Variants in DOCK3 observed in about 807,000 individuals in gnomAD.
The protein encoded by DOCK3 is dedicator of cytokinesis protein 3.
A neutral mutation model predicts 265.6 loss-of-function variants in DOCK3; 60 were observed. The observed-to-expected ratio is 0.23, with a 90% CI of 0.18 to 0.28. The LOEUF (loss-of-function observed/expected upper bound fraction) is 0.28. Ranked by LOEUF, DOCK3 falls within the 10% of genes least tolerant of loss-of-function variation. The probability of loss-of-function intolerance (pLI) is 1.00; values close to 1 mark genes in which losing one functional copy is unlikely to be tolerated. For synonymous variants in DOCK3, 881 were observed against 938.0 expected (o/e 0.94, Z 1.11); for missense variants, 1,981 against 2,594.3 (o/e 0.76, Z 5.14).
At chr3:51,278,312 T>A (rs2080924187) in intron 26 of DOCK3, 1 of 985,314 alleles carries the variant, frequency 1.0e-6, no homozygotes, top group African/African-American at 1.7e-5. Context: ...TGGGAAGGCT[T>A]CTCAGGAGGG....
At chr3:51,368,511 G>A (rs951963803) in intron 49 of DOCK3, among the ~76,000 whole-genome samples, 4 of 152,328 alleles carry the variant, frequency 2.6e-5, no homozygotes, top group African/African-American at 7.2e-5. Flanking sequence ...TGTGGGAGGG[G>A]CATCCGCCAT....
At chr3:51,261,555 G>A (rs747762665) in intron 23 of DOCK3, among the ~76,000 whole-genome samples, 9 of 152,236 alleles carry the variant, frequency 5.9e-5, no homozygotes, top group African/African-American at 1.2e-4. Flanking sequence ...GAATGTCAGC[G>A]AGACAGAACC....
intron 1 of DOCK3, among the ~76,000 whole-genome samples, chr3:50,689,786 C>T (rs564107615): frequency 2.6e-5 from 4 of 152,270 alleles, no homozygotes; most frequent in African/African-American, 7.2e-5. Context: ...AAATACATAT[C>T]GTTGAAGCTT....
At chr3:50,900,797 G>C in intron 4 of DOCK3, 2 of 425,328 alleles carry the variant, frequency 4.7e-6, no homozygotes, top group Non-Finnish European at 9.3e-6. Context: ...TGTTTGCCTG[G>C]GTATCACCAG....
In DOCK3 at chr3:51,015,261, C is replaced by T. The variant is rs535200189; in HGVS notation, c.316-49187C>T. Among the ~76,000 whole-genome samples, 700 of 151,998 alleles carry T rather than the reference C, an allele frequency of 4.6e-3. 2 individuals carry two copies. Among genetic ancestry groups the T allele is most frequent in the Middle Eastern group, 0.01 (3 of 292 alleles). Reference sequence around the variant, plus strand: ...TTTCCTCATTCAGTATGATACCAGCCGTGAATCTGTTATATATGGCTTTTA... The same window carrying T: ...TTTCCTCATTCAGTATGATACCAGCTGTGAATCTGTTATATATGGCTTTTA... On this transcript the variant is annotated intron_variant, in intron 5 of 52. Coordinates refer to ENST00000266037, the MANE Select transcript of DOCK3 (RefSeq NM_004947.5).
intron 22 of DOCK3, among the ~76,000 whole-genome samples, chr3:51,250,890 T>C (rs2079181794): frequency 6.6e-6 from 1 of 152,234 alleles, no homozygotes; most frequent in African/African-American, 2.4e-5. Context: ...GTTATTATAC[T>C]TAAAGTTCTA....
At chr3:50,881,935 A>G (rs2048054537) in intron 3 of DOCK3, among the ~76,000 whole-genome samples, 1 of 152,226 alleles carries the variant, frequency 6.6e-6, no homozygotes. Context: ...CCAATGGAAT[A>G]GAATAGAGCC....
At chr3:50,886,710 A>G (rs554875526) in intron 3 of DOCK3, among the ~76,000 whole-genome samples, 40 of 151,718 alleles carry the variant, frequency 2.6e-4, no homozygotes, top group African/African-American at 7.5e-4. Flanking sequence ...ATGATTTCCA[A>G]TTTCATCCAT....
chr3:50,750,837 A>G (rs959266606), intron 1 of DOCK3, among the ~76,000 whole-genome samples: 2 of 152,214 alleles, frequency 1.3e-5, no homozygotes, highest in Non-Finnish European at 2.9e-5. Flanking sequence ...TAGAATGTAA[A>G]TTAATTTCAT....
At chr3:50,687,042 G>A (rs765207899) in intron 1 of DOCK3, among the ~76,000 whole-genome samples, 12 of 149,410 alleles carry the variant, frequency 8.0e-5, no homozygotes, top group Admixed American at 1.3e-4. Flanking sequence ...AAACCCCATC[G>A]CTACTAAAAA....
At chr3:50,730,175 T>C (rs2038104930) in intron 1 of DOCK3, among the ~76,000 whole-genome samples, 1 of 152,162 alleles carries the variant, frequency 6.6e-6, no homozygotes, top group African/African-American at 2.4e-5. Context: ...AGAGTCTCAC[T>C]CTGTCACCCA....
chr3:51,246,232 C>CTTTT (rs34878916), intron 21 of DOCK3, among the ~76,000 whole-genome samples: 8 of 130,638 alleles, frequency 6.1e-5, no homozygotes, highest in South Asian at 2.4e-4. Context: ...TTTAGGAAAA[C>CTTTT]TTTTTTTTTT....
chr3:51,095,851 CA>C (rs71278627), intron 9 of DOCK3, among the ~76,000 whole-genome samples: 64 of 9,802 alleles, frequency 6.5e-3, no homozygotes, highest in African/African-American at 0.024. Context: ...ATAAGGTTAG[CA>C]AAAAAAAAAA....
At chr3:51,101,220 A>G (rs1338632281) in intron 9 of DOCK3, among the ~76,000 whole-genome samples, 3 of 147,158 alleles carry the variant, frequency 2.0e-5, no homozygotes, top group Non-Finnish European at 3.0e-5. Flanking sequence ...TCCCGGGTTC[A>G]CGCCATTCTC....
chr3:51,202,133 AC>A (rs1234141014), intron 12 of DOCK3, among the ~76,000 whole-genome samples: 1 of 132,264 alleles, frequency 7.6e-6, no homozygotes, highest in East Asian at 2.2e-4. Flanking sequence ...AAGAGCAAAC[AC>A]ATTCAAAAGC....
intron 5 of DOCK3, among the ~76,000 whole-genome samples, chr3:50,942,238 T>G (rs1048540516): frequency 9.2e-5 from 14 of 152,160 alleles, no homozygotes; most frequent in Admixed American, 8.5e-4. Flanking sequence ...TCAATATGAT[T>G]GACATTTTCT....
intron 2 of DOCK3, among the ~76,000 whole-genome samples, chr3:50,819,990 G>T (rs989781488): frequency 6.6e-6 from 1 of 151,954 alleles, no homozygotes; most frequent in Non-Finnish European, 1.5e-5. Context: ...AACAAAAAAT[G>T]CCATGGCAAC....
At chr3:51,067,742 CAT>C (rs2109306964) in intron 6 of DOCK3, among the ~76,000 whole-genome samples, 1 of 152,008 alleles carries the variant, frequency 6.6e-6, no homozygotes, top group African/African-American at 2.4e-5. Context: ...AAGGAAAAGA[CAT>C]GTTGCACCAA....
chr3:51,342,218 A>C (rs1352556926), intron 38 of DOCK3, among the ~76,000 whole-genome samples: 1 of 152,260 alleles, frequency 6.6e-6, no homozygotes, highest in Non-Finnish European at 1.5e-5. Context: ...ATCAGAAAAC[A>C]TTCTTCAGTT....
Sources: allele counts gnomAD v4.1 joint callset (sites outside exome capture counted in the v4.1 genomes callset), GRCh38; gene constraint gnomAD v4.1.1; transcripts MANE v1.5; gene names NCBI Gene and HGNC (gene_info 2026-07-23, HGNC 2026-07-21).